Variants in FGFR1OP2 observed in about 807,000 individuals in gnomAD.
FGFR1OP2 encodes FGFR1 oncogene partner 2.
In FGFR1OP2, 17 loss-of-function variants were observed where a neutral mutation model predicts 35.2. That is an observed-to-expected ratio of 0.48 (90% CI 0.33 to 0.73). The LOEUF is 0.73. Ranked by LOEUF, FGFR1OP2 falls within the 30% of genes least tolerant of loss-of-function variation. The pLI, the probability that FGFR1OP2 is intolerant of heterozygous loss-of-function variation, is 0.02. For missense variants in FGFR1OP2, 251 were observed against 307.3 expected (o/e 0.82, Z 1.37); for synonymous variants, 105 against 104.6 (o/e 1.00, Z -0.03).
Position 26,963,339 on chromosome 12 carries a change from C to T in FGFR1OP2, c.511-3C>T. Reference sequence around the variant, plus strand: ...ATTTCCAACTCCCATCCCTCTTTTTCAGGAACTGCAAGCACATGTTGACCA... The same window carrying T: ...ATTTCCAACTCCCATCCCTCTTTTTTAGGAACTGCAAGCACATGTTGACCA... On this transcript the variant is annotated splice_region_variant and splice_polypyrimidine_tract_variant and intron_variant, in intron 5 of 6. Coordinates refer to ENST00000229395, the MANE Select transcript of FGFR1OP2 (RefSeq NM_015633.3). The T allele has an allele frequency of 6.3e-7, 1 of 1,578,112 alleles. No individual in the cohort carries two copies. The highest frequency in any genetic ancestry group is 8.6e-7 in the Non-Finnish European group (1 of 1,161,158).
chr12:26,958,604 G>GCC (rs1005643363), intron 4 of FGFR1OP2, among the ~76,000 whole-genome samples: 2 of 152,106 alleles, frequency 1.3e-5, no homozygotes, highest in Non-Finnish European at 2.9e-5. Flanking sequence ...TTGCTCCCTT[G>GCC]CCCCAGTATT....
intron 4 of FGFR1OP2, among the ~76,000 whole-genome samples, chr12:26,959,492 A>G (rs1939071822): frequency 6.6e-6 from 1 of 152,170 alleles, no homozygotes; most frequent in Non-Finnish European, 1.5e-5. Flanking sequence ...TACCATTACA[A>G]AAAAAGTGCT....
chr12:26,964,459 T>G, intron 6 of FGFR1OP2, 137 bp from the exon 7 acceptor site: 1 of 822,512 alleles, frequency 1.2e-6, no homozygotes, highest in Non-Finnish European at 1.8e-6. Flanking sequence ...GCATATATCA[T>G]TGAGTAGATT....
At position 26,960,634 on chromosome 12, in the gene FGFR1OP2, C is replaced by G. The variant is rs1939091598; in HGVS notation, c.510+6C>G. On this transcript the variant is annotated splice_donor_region_variant and intron_variant, in intron 5 of 6. Coordinates refer to ENST00000229395, the MANE Select transcript of FGFR1OP2 (RefSeq NM_015633.3). ...ACTTGGAAGCAAATCAGAATGTACA[C>G]TAAATAAACAGTCAACTTTTGGGGT... 6.2e-7 allele frequency: 1 copy of G among 1,610,400 alleles called. No individual in the cohort carries two copies. Among genetic ancestry groups the G allele is most frequent in the Non-Finnish European group, 8.5e-7 (1 of 1,177,984 alleles).
In FGFR1OP2 at chr12:26,960,647, C is replaced by A; in HGVS notation, c.510+19C>A. On this transcript the variant is annotated intron_variant, in intron 5 of 6. Transcript: ENST00000229395. ...TCAGAATGTACACTAAATAAACAGT[C>A]AACTTTTGGGGTGTGGATGGAAGGG... 6.2e-7 allele frequency: 1 copy of A among 1,603,890 alleles called. No individual in the cohort carries two copies. Among genetic ancestry groups the A allele is most frequent in the South Asian group, 1.1e-5 (1 of 90,244 alleles).
intron 4 of FGFR1OP2, among the ~76,000 whole-genome samples, chr12:26,960,192 C>CA (rs763398368): frequency 2.0e-5 from 3 of 150,586 alleles, no homozygotes; most frequent in Non-Finnish European, 4.4e-5. Flanking sequence ...AGTAATTTTA[C>CA]AACACATTTA....
At chr12:26,953,943 T>C (rs1403406652) in intron 1 of FGFR1OP2, among the ~76,000 whole-genome samples, 1 of 152,238 alleles carries the variant, frequency 6.6e-6, no homozygotes, top group African/African-American at 2.4e-5. Context: ...TCTAATTTTT[T>C]TGTAATAGTA....
chr12:26,950,213 GTTTTTTTTTTTTTT>G (rs1174799685), intron 1 of FGFR1OP2, among the ~76,000 whole-genome samples: 2 of 50,942 alleles, frequency 3.9e-5, no homozygotes, highest in East Asian at 6.7e-4. Flanking sequence ...TGTATTCGTT[GTTTTTTTTTTTTTT>G]TTTTTTTTTT....
chr12:26,954,172 T>G lies in FGFR1OP2; in HGVS notation c.14T>G (p.Ile5Ser), dbSNP rs755685647. The stretch of plus-strand genomic sequence containing the variant: ...ATATCTTTAGAAATGAGTTGCACAA[T>G]TGAGAAGGCACTTGCCGACGCTAAA... Reference protein sequence around the residue: MSCTIEKALADAKAL... With the variant: MSCTSEKALADAKAL... Residue 5 changes from isoleucine (I) to serine (S), a missense_variant, in exon 2 of 7, where the codon ATT becomes AGT. Physicochemically the swap from Ile to Ser is moderately radical, Grantham distance 142. Transcript: ENST00000229395. The G allele has an allele frequency of 6.2e-7, 1 of 1,603,420 alleles. No individual in the cohort carries two copies. The highest frequency in any genetic ancestry group is 1.1e-5 in the South Asian group (1 of 88,138).
rs1466105035 is a variant in FGFR1OP2, at chr12:26,938,702, A to C, written c.-23A>C. The stretch of plus-strand genomic sequence containing the variant: ...CCACAGCTGAAGGCTGCGAGGGACT[A>C]AGAGCAGAGTAAGTGGACTAAATCC... On this transcript the variant is annotated 5_prime_UTR_variant, in exon 1 of 7. Transcript: ENST00000229395. 6.6e-6 allele frequency: 1 copy of C among 152,472 alleles called. No individual in the cohort carries two copies. The highest frequency in any genetic ancestry group is 1.5e-5 in the Non-Finnish European group (1 of 68,220). The allele number at this position is 152,472 out of a possible 1,614,324, so 9.4% of individuals were successfully genotyped here.
intron 1 of FGFR1OP2, among the ~76,000 whole-genome samples, chr12:26,939,435 T>C (rs894357160): frequency 6.6e-6 from 1 of 152,222 alleles, no homozygotes; most frequent in Non-Finnish European, 1.5e-5. Flanking sequence ...TCTTTTACAG[T>C]CTGCCCCAAT....
intron 1 of FGFR1OP2, among the ~76,000 whole-genome samples, chr12:26,942,850 G>T (rs1307554642): frequency 6.6e-6 from 1 of 151,958 alleles, no homozygotes; most frequent in Non-Finnish European, 1.5e-5. Flanking sequence ...CAAGTCCTTA[G>T]TTGGATAAGT....
At chr12:26,957,172 C>T (rs917447241) in intron 3 of FGFR1OP2, among the ~76,000 whole-genome samples, 11 of 152,170 alleles carry the variant, frequency 7.2e-5, no homozygotes, top group African/African-American at 2.2e-4. Flanking sequence ...TGCCTACCTG[C>T]TTAGAAGGTC....
At chr12:26,957,087 C>G (rs1939033629) in intron 3 of FGFR1OP2, among the ~76,000 whole-genome samples, 1 of 152,120 alleles carries the variant, frequency 6.6e-6, no homozygotes, top group South Asian at 2.1e-4. Context: ...AAATCTTCTT[C>G]CCACAGCTTT....
intron 4 of FGFR1OP2, 111 bp downstream of exon 4, chr12:26,957,854 A>G (rs1939048008): frequency 1.3e-6 from 1 of 778,214 alleles, no homozygotes; most frequent in Non-Finnish European, 1.9e-6. Context: ...GCATTTTAAC[A>G]TGATGTTGAA....
chr12:26,958,203 G>A (rs752708896), intron 4 of FGFR1OP2, among the ~76,000 whole-genome samples: 45 of 152,174 alleles, frequency 3.0e-4, no homozygotes, highest in Non-Finnish European at 5.6e-4. Context: ...TCTTCAAAAA[G>A]TAAAAAAATT....
At chr12:26,964,551 A>G (rs1451525269) in intron 6 of FGFR1OP2, 45 bp from the exon 7 acceptor site, 10 of 1,594,780 alleles carry the variant, frequency 6.3e-6, no homozygotes, top group Non-Finnish European at 7.7e-6. Context: ...TGTTGTAGCT[A>G]CCTTGTAGAT....
At chr12:26,954,405 T>G in intron 2 of FGFR1OP2, 112 bp downstream of exon 2, 1 of 1,261,648 alleles carries the variant, frequency 7.9e-7, no homozygotes, top group Non-Finnish European at 1.1e-6. Context: ...AATTTTAAAG[T>G]AGCTTGACTT....
At chr12:26,944,473 G>T (rs1938790478) in intron 1 of FGFR1OP2, among the ~76,000 whole-genome samples, 1 of 152,150 alleles carries the variant, frequency 6.6e-6, no homozygotes, top group South Asian at 2.1e-4. Flanking sequence ...AAAGTATGCG[G>T]AATTTTTTAA....
Sources: gnomAD v4.1 joint callset for allele counts (sites outside exome capture counted in the v4.1 genomes callset) on GRCh38, gnomAD v4.1.1 for gene constraint, MANE v1.5 for transcripts, NCBI Gene and HGNC (gene_info 2026-07-23, HGNC 2026-07-21) for gene names.